Variants in TAFA4 observed in about 807,000 individuals in gnomAD.
TAFA4 encodes the protein chemokine-like protein TAFA-4.
TAFA4 carries 20 observed loss-of-function variants against 21.1 expected under a neutral mutation model. The observed-to-expected ratio is 0.95, with a 90% CI of 0.67 to 1.38. TAFA4 has a LOEUF of 1.38. TAFA4 is among the 40% of genes most tolerant of loss of function. The pLI is 0.00. For synonymous variants in TAFA4, 71 were observed against 67.4 expected (o/e 1.05, Z -0.26); for missense variants, 211 against 180.9 (o/e 1.17, Z -0.95).
chr3:68,811,023 C>G (rs1703824977), intron 3 of TAFA4, among the ~76,000 whole-genome samples: 1 of 152,224 alleles, frequency 6.6e-6, no homozygotes, highest in East Asian at 1.9e-4. Context: ...CCAATATCCA[C>G]TGTTCTGCAG....
chr3:68,826,644 G>A (rs1704247149), intron 3 of TAFA4, among the ~76,000 whole-genome samples: 2 of 151,794 alleles, frequency 1.3e-5, no homozygotes, highest in South Asian at 4.2e-4. Context: ...AAGTGAGCAT[G>A]CATAAATGTT....
intron 3 of TAFA4, among the ~76,000 whole-genome samples, chr3:68,805,324 G>A (rs1165710798): frequency 6.6e-6 from 1 of 152,180 alleles, no homozygotes; most frequent in Non-Finnish European, 1.5e-5. Context: ...GAGAGGATGT[G>A]GAGAAATAGG....
intron 3 of TAFA4, among the ~76,000 whole-genome samples, chr3:68,864,585 C>T (rs1372699718): frequency 2.0e-5 from 3 of 152,046 alleles, no homozygotes; most frequent in Non-Finnish European, 4.4e-5. Context: ...CCATTCTTCT[C>T]CCAAGGTAGT....
chr3:68,801,598 A>G (rs910295764), intron 3 of TAFA4, among the ~76,000 whole-genome samples: 1 of 152,198 alleles, frequency 6.6e-6, no homozygotes, highest in Non-Finnish European at 1.5e-5. Context: ...CTACACATCT[A>G]TCGTGGCAAT....
At chr3:68,914,948 T>C (rs765973668) in intron 1 of TAFA4, among the ~76,000 whole-genome samples, 39 of 152,242 alleles carry the variant, frequency 2.6e-4, no homozygotes, top group Non-Finnish European at 4.9e-4. Flanking sequence ...AACATGGTCA[T>C]GCAACATTCG....
chr3:68,921,071 T>C (rs1449335543), intron 1 of TAFA4, among the ~76,000 whole-genome samples: 6 of 152,018 alleles, frequency 3.9e-5, no homozygotes, highest in Non-Finnish European at 2.9e-5. Flanking sequence ...TGGGCAGAGA[T>C]GACCAATGTG....
intron 3 of TAFA4, among the ~76,000 whole-genome samples, chr3:68,814,409 T>C (rs962919004): frequency 4.6e-5 from 7 of 152,170 alleles, no homozygotes; most frequent in Admixed American, 4.6e-4. Context: ...ATTGTATATC[T>C]AGAAAACGCC....
chr3:68,796,019 G>A (rs190964380), intron 3 of TAFA4, among the ~76,000 whole-genome samples: 1 of 152,210 alleles, frequency 6.6e-6, no homozygotes, highest in East Asian at 1.9e-4. Flanking sequence ...TTACCAAGCA[G>A]AGACTATTGT....
At chr3:68,753,880 G>C (rs960132388) in intron 3 of TAFA4, among the ~76,000 whole-genome samples, 1 of 152,234 alleles carries the variant, frequency 6.6e-6, no homozygotes. Context: ...AATGCAGTCT[G>C]CTGCTACCTT....
chr3:68,760,009 A>G (rs1461074333), intron 3 of TAFA4, among the ~76,000 whole-genome samples: 1 of 152,002 alleles, frequency 6.6e-6, no homozygotes, highest in African/African-American at 2.4e-5. Context: ...GAAACTTGAA[A>G]CTGTTACTCG....
At chr3:68,911,481 T>A (rs2089961347) in intron 1 of TAFA4, among the ~76,000 whole-genome samples, 1 of 152,218 alleles carries the variant, frequency 6.6e-6, no homozygotes, top group Admixed American at 6.5e-5. Flanking sequence ...GTGATGGGTA[T>A]GATCAACTCA....
chr3:68,785,018 T>C (rs558990887), intron 3 of TAFA4, among the ~76,000 whole-genome samples: 206 of 151,784 alleles, frequency 1.4e-3, no homozygotes, highest in African/African-American at 4.4e-3. Context: ...AGAGTGCCGA[T>C]TGGTGTATTT....
intron 3 of TAFA4, among the ~76,000 whole-genome samples, chr3:68,771,142 A>C (rs1702949624): frequency 6.6e-6 from 1 of 152,090 alleles, no homozygotes; most frequent in African/African-American, 2.4e-5. Flanking sequence ...TCTCACTGAG[A>C]GCTACCTCCA....
chr3:68,903,520 G>C lies in TAFA4; in HGVS notation c.-122-18210C>G, dbSNP rs541244772. Among the ~76,000 whole-genome samples the C allele has an allele frequency of 3.3e-5, 5 of 152,308 alleles. No homozygotes were observed. In the South Asian group the frequency reaches 1.0e-3, roughly 32 times the overall value. ...TTATATGTAGTTAACAGGCTTGCTT[G>C]AAGATCATGTTGTTAAATGAATACA... On this transcript the variant is annotated intron_variant, in intron 1 of 5. Transcript: ENST00000295569.
chr3:68,810,985 A>G (rs937022152), intron 3 of TAFA4, among the ~76,000 whole-genome samples: 6 of 152,300 alleles, frequency 3.9e-5, no homozygotes, highest in Admixed American at 1.3e-4. Context: ...TTCCAGAGGA[A>G]CAATCAGGCT....
At chr3:68,885,029 T>C (rs1333311624) in intron 2 of TAFA4, 146 bp downstream of exon 2, 3 of 715,536 alleles carry the variant, frequency 4.2e-6, no homozygotes, top group Admixed American at 6.2e-5. Flanking sequence ...AAAGCTAAAA[T>C]GAAAAAATCA....
chr3:68,824,565 T>C (rs1415102322), intron 3 of TAFA4, among the ~76,000 whole-genome samples: 1 of 152,224 alleles, frequency 6.6e-6, no homozygotes, highest in Non-Finnish European at 1.5e-5. Context: ...AGATCCTTCA[T>C]TACATCTGCA....
intron 1 of TAFA4, among the ~76,000 whole-genome samples, chr3:68,909,123 C>G (rs1307771370): frequency 6.6e-6 from 1 of 152,152 alleles, no homozygotes; most frequent in Non-Finnish European, 1.5e-5. Flanking sequence ...GGCTGCACAG[C>G]TCTAGACAAC....
chr3:68,775,937 C>T (rs1191460363), intron 3 of TAFA4, among the ~76,000 whole-genome samples: 1 of 151,964 alleles, frequency 6.6e-6, no homozygotes. Context: ...GAAAAAATGA[C>T]CCAGAAGACA....
Sources: gnomAD v4.1 joint callset for allele counts (sites outside exome capture counted in the v4.1 genomes callset) on GRCh38, gnomAD v4.1.1 for gene constraint, MANE v1.5 for transcripts, NCBI Gene and HGNC (gene_info 2026-07-23, HGNC 2026-07-21) for gene names.